The following FGGY variants were observed in gnomAD, a reference collection of about 807,000 sequenced individuals.
FGGY encodes the protein FGGY carbohydrate kinase domain-containing protein.
FGGY carries 72 observed loss-of-function variants against 71.3 expected under a neutral mutation model. That is an observed-to-expected ratio of 1.01 (90% CI 0.84 to 1.23). The LOEUF (loss-of-function observed/expected upper bound fraction) is 1.23, where lower values mean the gene tolerates loss of function less well. FGGY is among the 50% of genes most tolerant of loss of function. The pLI, the probability that FGGY is intolerant of heterozygous loss-of-function variation, is 0.00. For missense variants in FGGY, 668 were observed against 682.3 expected (o/e 0.98, Z 0.23); for synonymous variants, 251 against 250.3 (o/e 1.00, Z -0.02).
At chr1:59,341,679 T>C in intron 3 of FGGY, among the ~76,000 whole-genome samples, 1 of 152,348 alleles carries the variant, frequency 6.6e-6, no homozygotes, top group East Asian at 1.9e-4. Flanking sequence ...AGGGCAGCCT[T>C]GTTCTGAGCC....
intron 11 of FGGY, among the ~76,000 whole-genome samples, chr1:59,650,176 A>G (rs1291748701): frequency 1.4e-5 from 2 of 147,912 alleles, no homozygotes; most frequent in Non-Finnish European, 2.9e-5. Context: ...GGATTTTTGC[A>G]TCGATGTTCA....
intron 9 of FGGY, among the ~76,000 whole-genome samples, chr1:59,612,496 G>C (rs994108291): frequency 6.6e-5 from 10 of 152,112 alleles, no homozygotes; most frequent in African/African-American, 1.7e-4. Context: ...CCTGACGGAA[G>C]CACTAAACAT....
rs954546727 is a variant in FGGY at position 59,513,213 on chromosome 1, A to G, written c.799+774A>G. 9.2e-5 allele frequency among the ~76,000 whole-genome samples: 14 copies of G among 152,210 alleles called. No homozygotes were observed. The East Asian group carries it at 1.2e-3, about 13-fold the overall frequency. ...TGTTTTGTTTTAAACTATGATTTAT[A>G]ATTCATGAGATCAATTTAGCAGGAC... is the stretch of plus-strand genomic sequence containing the variant. On this transcript the variant is annotated intron_variant, in intron 7 of 15. Transcript: ENST00000303721.
At position 59,711,537 on chromosome 1, in the gene FGGY, G is replaced by A. The variant is rs764652606; in HGVS notation, c.1512+37404G>A. Among the ~76,000 whole-genome samples, 10 of 152,304 alleles carry A rather than the reference G, an allele frequency of 6.6e-5. No individual in the cohort carries two copies. In the South Asian group the frequency reaches 1.9e-3, roughly 28 times the overall value. ...CTGGATAGAGCTCTGTGCATTGCAC[G>A]GGTGTATTAGTACATTTTCATGCTG... On this transcript the variant is annotated intron_variant, in intron 14 of 15. Coordinates refer to ENST00000303721, the MANE Select transcript of FGGY (RefSeq NM_018291.5).
At chr1:59,509,265 T>C (rs1357910574) in intron 6 of FGGY, among the ~76,000 whole-genome samples, 1 of 152,238 alleles carries the variant, frequency 6.6e-6, no homozygotes, top group Non-Finnish European at 1.5e-5. Context: ...CCTCTGTTTC[T>C]ACATCTCCGT....
chr1:59,456,878 A>C, intron 5 of FGGY, 83 bp from the exon 6 acceptor site: 1 of 822,598 alleles, frequency 1.2e-6, no homozygotes, highest in South Asian at 1.5e-5. Context: ...ACCTCTGCAG[A>C]TACCTGGACG....
At chr1:59,724,407 A>G (rs1332466161) in intron 14 of FGGY, among the ~76,000 whole-genome samples, 5 of 151,138 alleles carry the variant, frequency 3.3e-5, no homozygotes, top group Admixed American at 1.3e-4. Context: ...TGGCGTGAAC[A>G]TGGGAGGTGG....
At chr1:59,370,706 T>C (rs1303877692) in intron 4 of FGGY, among the ~76,000 whole-genome samples, 1 of 151,820 alleles carries the variant, frequency 6.6e-6, no homozygotes, top group African/African-American at 2.4e-5. Context: ...ACAGCGGATC[T>C]CTTGGCAGAA....
At chr1:59,645,365 C>T (rs558566979) in intron 11 of FGGY, among the ~76,000 whole-genome samples, 1 of 152,278 alleles carries the variant, frequency 6.6e-6, no homozygotes, top group African/African-American at 2.4e-5. Flanking sequence ...CCAGTAGGAT[C>T]CTGTGTGGCT....
chr1:59,361,638 G>C (rs1003340306), intron 4 of FGGY, among the ~76,000 whole-genome samples: 5 of 152,084 alleles, frequency 3.3e-5, no homozygotes, highest in African/African-American at 1.2e-4. Flanking sequence ...TTCTTTGCAG[G>C]GGTGAAGGGG....
At chr1:59,481,436 C>A (rs144261618) in intron 6 of FGGY, among the ~76,000 whole-genome samples, 4 of 152,100 alleles carry the variant, frequency 2.6e-5, no homozygotes, top group African/African-American at 9.7e-5. Flanking sequence ...TGGCCCTGTG[C>A]GAGTGCTTTC....
intron 4 of FGGY, among the ~76,000 whole-genome samples, chr1:59,353,399 T>G (rs2053666824): frequency 6.6e-6 from 1 of 152,222 alleles, no homozygotes; most frequent in Non-Finnish European, 1.5e-5. Context: ...GAGTGATATG[T>G]TTTTTCCTGT....
intron 7 of FGGY, among the ~76,000 whole-genome samples, chr1:59,530,372 G>A (rs1168301386): frequency 6.6e-6 from 1 of 152,140 alleles, no homozygotes. Context: ...TAACATATCT[G>A]CCTTTCATGT....
At chr1:59,695,576 A>G (rs571765291) in intron 14 of FGGY, among the ~76,000 whole-genome samples, 1 of 152,222 alleles carries the variant, frequency 6.6e-6, no homozygotes. Flanking sequence ...ATTGCATATA[A>G]TCTTGACGGC....
At chr1:59,532,859 AG>A (rs1339609248) in intron 7 of FGGY, among the ~76,000 whole-genome samples, 1 of 152,244 alleles carries the variant, frequency 6.6e-6, no homozygotes, top group African/African-American at 2.4e-5. Context: ...ATACACATAT[AG>A]AATGTCAAAA....
At chr1:59,570,653 G>A (rs776477615) in intron 8 of FGGY, among the ~76,000 whole-genome samples, 3 of 152,088 alleles carry the variant, frequency 2.0e-5, no homozygotes, top group South Asian at 2.1e-4. Flanking sequence ...AAACCAGAAC[G>A]CAGACACACC....
At chr1:59,584,548 C>G (rs1571635077) in intron 8 of FGGY, among the ~76,000 whole-genome samples, 1 of 149,932 alleles carries the variant, frequency 6.7e-6, no homozygotes, top group Non-Finnish European at 1.5e-5. Flanking sequence ...CTATGACAAA[C>G]CCACAGCCAA....
At chr1:59,447,522 C>T (rs937638815) in intron 5 of FGGY, among the ~76,000 whole-genome samples, 1 of 152,170 alleles carries the variant, frequency 6.6e-6, no homozygotes, top group African/African-American at 2.4e-5. Context: ...TATGGTTTGG[C>T]TGTGTCCCCA....
At chr1:59,421,214 C>T (rs2065352644) in intron 5 of FGGY, among the ~76,000 whole-genome samples, 1 of 152,100 alleles carries the variant, frequency 6.6e-6, no homozygotes. Flanking sequence ...TGGTGTGTCA[C>T]CCTTATTTGA....
Sources: allele counts gnomAD v4.1 joint callset (sites outside exome capture counted in the v4.1 genomes callset), GRCh38; gene constraint gnomAD v4.1.1; transcripts MANE v1.5; gene names NCBI Gene and HGNC (gene_info 2026-07-23, HGNC 2026-07-21).